TSPAN9: variants seen among roughly 807,000 people sequenced by gnomAD.
TSPAN9 encodes the protein tetraspanin 9, also known as tetraspanin-9.
TSPAN9 carries 16 observed loss-of-function variants against 31.0 expected under a neutral mutation model. The ratio of observed to expected loss-of-function variants is 0.52; its 90% CI spans 0.35 to 0.78. The LOEUF (loss-of-function observed/expected upper bound fraction) is 0.78. Ranked by LOEUF, TSPAN9 falls within the 30% of genes least tolerant of loss-of-function variation. The pLI is 0.01. For missense variants in TSPAN9, 272 were observed against 312.5 expected (o/e 0.87, Z 0.98); for synonymous variants, 145 against 121.6 (o/e 1.19, Z -1.27).
intron 3 of TSPAN9, among the ~76,000 whole-genome samples, chr12:3,242,869 G>C (rs2098397330): frequency 6.6e-6 from 1 of 152,242 alleles, no homozygotes; most frequent in Non-Finnish European, 1.5e-5. Context: ...CAGGCATCGT[G>C]TTTCCCTCTG....
At chr12:3,269,215 C>A (rs1862616446) in intron 3 of TSPAN9, among the ~76,000 whole-genome samples, 1 of 69,632 alleles carries the variant, frequency 1.4e-5, no homozygotes, top group East Asian at 4.8e-4. Context: ...TGTGTTCCTG[C>A]AGCCTGCCCT....
intron 3 of TSPAN9, among the ~76,000 whole-genome samples, chr12:3,224,189 C>T (rs563232407): frequency 1.3e-5 from 2 of 152,316 alleles, no homozygotes; most frequent in African/African-American, 4.8e-5. Flanking sequence ...TTAGCTGAGA[C>T]ATGGGTAGGT....
intron 2 of TSPAN9, among the ~76,000 whole-genome samples, chr12:3,165,564 C>T (rs748027582): frequency 3.3e-5 from 5 of 152,086 alleles, no homozygotes; most frequent in Non-Finnish European, 5.9e-5. Context: ...TACTGCAAGG[C>T]GAGGGTCACG....
chr12:3,116,564 A>G (rs1212065156), intron 2 of TSPAN9, among the ~76,000 whole-genome samples: 1 of 152,082 alleles, frequency 6.6e-6, no homozygotes, highest in Admixed American at 6.5e-5. Context: ...TGTAAGGTAA[A>G]GAGAGGCCCT....
At chr12:3,197,942 C>T (rs1245172395) in intron 2 of TSPAN9, among the ~76,000 whole-genome samples, 6 of 14,308 alleles carry the variant, frequency 4.2e-4, no homozygotes, top group Admixed American at 1.2e-3. Flanking sequence ...CCAGCACAGG[C>T]CACCACCAGC....
At chr12:3,144,220 C>A (rs1030839726) in intron 2 of TSPAN9, among the ~76,000 whole-genome samples, 1 of 152,124 alleles carries the variant, frequency 6.6e-6, no homozygotes, top group African/African-American at 2.4e-5. Flanking sequence ...TCTGCCTCAG[C>A]CACCCTAGTA....
chr12:3,269,062 G>A (rs376577868), intron 3 of TSPAN9, among the ~76,000 whole-genome samples: 2 of 17,640 alleles, frequency 1.1e-4, no homozygotes, highest in Non-Finnish European at 2.1e-4. Flanking sequence ...CCTGCCCTCC[G>A]TGCGTTCCTG....
rs891466521 is a variant in TSPAN9, at chr12:3,285,058, G to T, written c.*1942G>T. 2 of 152,270 alleles carry T rather than the reference G, an allele frequency of 1.3e-5. No homozygotes were observed. Among genetic ancestry groups the T allele is most frequent in the African/African-American group, 4.8e-5 (2 of 41,464 alleles). The allele number at this position is 152,270 out of a possible 1,614,324, so 9.4% of individuals were successfully genotyped here. A position where few individuals can be genotyped will look rare whatever the true frequency, so the allele number is the denominator to read the frequency against. ...CCGCTTCCCTGAGACAGGGGCAGTGGTGCTGATGGAATGTGGGGGAGGCCC... is the reference window on the plus strand; with the variant it reads ...CCGCTTCCCTGAGACAGGGGCAGTGTTGCTGATGGAATGTGGGGGAGGCCC... On this transcript the variant is annotated 3_prime_UTR_variant, in exon 9 of 9. Transcript: ENST00000011898.
intron 3 of TSPAN9, among the ~76,000 whole-genome samples, chr12:3,238,113 T>A (rs994492133): frequency 2.6e-5 from 4 of 152,160 alleles, no homozygotes; most frequent in African/African-American, 2.4e-5. Context: ...TCCCATGCTG[T>A]TTACAAAGCC....
At chr12:3,223,325 C>T (rs1476022182) in intron 3 of TSPAN9, among the ~76,000 whole-genome samples, 2 of 152,194 alleles carry the variant, frequency 1.3e-5, no homozygotes, top group East Asian at 3.9e-4. Flanking sequence ...GCCAAGGCCT[C>T]CTCCAGCATG....
intron 2 of TSPAN9, among the ~76,000 whole-genome samples, chr12:3,136,117 A>G (rs1434594504): frequency 6.6e-6 from 1 of 152,198 alleles, no homozygotes; most frequent in East Asian, 1.9e-4. Context: ...CAACAGCGTA[A>G]GAGCAAGGGC....
At position 3,107,800 on chromosome 12, in the gene TSPAN9, C is replaced by T. The variant is rs1218225746; in HGVS notation, c.-18+24081C>T. ...CAAATCCAGATACCTGGTGATATCG[C>T]TAGTGCTACCTGGGCATGAATTCAT... On this transcript the variant is annotated intron_variant, in intron 2 of 8. Transcript: ENST00000011898. This position sits in a 1 kb window ranked among gnomAD's most constrained non-coding sequence, Gnocchi z 4.1. Among the ~76,000 whole-genome samples, 3 of 152,206 alleles carry T rather than the reference C, an allele frequency of 2.0e-5. No individual in the cohort carries two copies. Among genetic ancestry groups the T allele is most frequent in the Non-Finnish European group, 2.9e-5 (2 of 68,034 alleles).
In TSPAN9 at chr12:3,279,062, A is replaced by G. The variant is rs960059401; in HGVS notation, c.326A>G (p.Asp109Gly). Residue 109 changes from aspartate (D) to glycine (G), a missense_variant, in exon 5 of 9, where the codon GAC (aspartate) becomes GGC (glycine). Physicochemically the swap from Asp to Gly is moderately conservative, Grantham distance 94. Coordinates refer to ENST00000011898, the MANE Select transcript of TSPAN9 (RefSeq NM_006675.5). ...ILLILFFVYM[D>G]KVNENAKKDL... ...CTCATCCTCTTCTTTGTCTACATGGACAAGGTAAGCCTTACCAGATGGGAG... is the reference window on the plus strand; with the variant it reads ...CTCATCCTCTTCTTTGTCTACATGGGCAAGGTAAGCCTTACCAGATGGGAG... 9.3e-6 allele frequency: 15 copies of G among 1,613,870 alleles called. No individual in the cohort carries two copies. Among genetic ancestry groups the G allele is most frequent in the African/African-American group, 1.3e-5 (1 of 74,904 alleles).
intron 2 of TSPAN9, among the ~76,000 whole-genome samples, chr12:3,095,679 G>T (rs1292896154): frequency 1.3e-5 from 2 of 149,820 alleles, no homozygotes; most frequent in African/African-American, 4.9e-5. Flanking sequence ...AGGCAGAGGG[G>T]CTCCTCACTT....
chr12:3,121,819 G>C (rs904513431), intron 2 of TSPAN9, among the ~76,000 whole-genome samples: 1 of 152,106 alleles, frequency 6.6e-6, no homozygotes, highest in African/African-American at 2.4e-5. Context: ...ACACAGTACT[G>C]GGACTTGCCC....
chr12:3,192,714 G>C lies in TSPAN9; in HGVS notation c.-17-8463G>C, dbSNP rs374221207. On this transcript the variant is annotated intron_variant, in intron 2 of 8. Transcript: ENST00000011898. This position sits in a 1 kb window ranked among gnomAD's most constrained non-coding sequence, Gnocchi z 4.6. Reference sequence around the variant, plus strand: ...GCATTTAGGGGGTCAACAGCATGCAGATGGCCCTGGAACGGAGGAGATGGT... The same window carrying C: ...GCATTTAGGGGGTCAACAGCATGCACATGGCCCTGGAACGGAGGAGATGGT... Among the ~76,000 whole-genome samples, 4 of 152,254 alleles carry C rather than the reference G, an allele frequency of 2.6e-5. No homozygotes were observed. Among genetic ancestry groups the C allele is most frequent in the Admixed American group, 6.5e-5 (1 of 15,304 alleles).
At chr12:3,146,863 G>T (rs2098337507) in intron 2 of TSPAN9, among the ~76,000 whole-genome samples, 1 of 152,086 alleles carries the variant, frequency 6.6e-6, no homozygotes, top group African/African-American at 2.4e-5. Context: ...AAAGGGGTGT[G>T]GGTAGATTGT....
At chr12:3,174,831 C>T (rs2098354435) in intron 2 of TSPAN9, among the ~76,000 whole-genome samples, 1 of 152,094 alleles carries the variant, frequency 6.6e-6, no homozygotes, top group Admixed American at 6.5e-5. Context: ...ATCCTCCCGC[C>T]TCGGCCTCCC....
intron 2 of TSPAN9, among the ~76,000 whole-genome samples, chr12:3,095,744 C>T (rs558540282): frequency 2.7e-5 from 4 of 149,556 alleles, no homozygotes; most frequent in Admixed American, 6.6e-5. Flanking sequence ...GATGGGCGGC[C>T]GGGCAGAGAC....
Sources: gnomAD v4.1 joint callset for allele counts (sites outside exome capture counted in the v4.1 genomes callset) on GRCh38, gnomAD v4.1.1 for gene constraint, Gnocchi (gnomAD v3.1) non-coding constraint, MANE v1.5 for transcripts, NCBI Gene and HGNC (gene_info 2026-07-23, HGNC 2026-07-21) for gene names.